Variants in GRID2 observed in about 807,000 individuals in gnomAD.
The protein encoded by GRID2 is glutamate receptor ionotropic, delta-2.
Under a neutral mutation model 114.8 loss-of-function variants are expected in GRID2, and 33 were observed. The observed-to-expected ratio is 0.29, with a 90% CI of 0.22 to 0.38. The LOEUF (loss-of-function observed/expected upper bound fraction) is 0.38, where lower values mean the gene tolerates loss of function less well. GRID2 is among the 10% of genes least tolerant of loss of function. The pLI is 1.00. For synonymous variants in GRID2, 505 were observed against 449.9 expected (o/e 1.12, Z -1.55); for missense variants, 1,184 against 1,257.7 (o/e 0.94, Z 0.89).
intron 13 of GRID2, among the ~76,000 whole-genome samples, chr4:93,588,292 A>C (rs556059559): frequency 6.6e-6 from 1 of 152,254 alleles, no homozygotes; most frequent in South Asian, 2.1e-4. Context: ...TTATAAAACA[A>C]TCAAAATTTT....
chr4:93,673,042 T>G (rs568281863), intron 14 of GRID2, among the ~76,000 whole-genome samples: 62 of 152,278 alleles, frequency 4.1e-4, no homozygotes, highest in Middle Eastern at 3.4e-3. Context: ...TTAAATTACT[T>G]TCAGCCCTGA....
chr4:93,790,137 G>A (rs55722303), intron 1 of GRID2, among the ~76,000 whole-genome samples: 45,141 of 115,340 alleles, frequency 0.39, 7,464 homozygotes, highest in Middle Eastern at 0.54. Context: ...GTGCCCATCC[G>A]TGGAGGAAAA....
At chr4:92,945,676 G>T (rs1324004095) in intron 2 of GRID2, among the ~76,000 whole-genome samples, 1 of 152,156 alleles carries the variant, frequency 6.6e-6, no homozygotes, top group Non-Finnish European at 1.5e-5. Flanking sequence ...TTTCCCAAAT[G>T]ATTACTTGAA....
At chr4:93,497,485 T>C (rs868514723) in intron 12 of GRID2, among the ~76,000 whole-genome samples, 44 of 151,884 alleles carry the variant, frequency 2.9e-4, no homozygotes, top group African/African-American at 1.0e-3. Context: ...AAAAGTTTTA[T>C]AGTTTTACAT....
At chr4:93,566,865 A>T (rs2149573362) in intron 13 of GRID2, among the ~76,000 whole-genome samples, 1 of 152,132 alleles carries the variant, frequency 6.6e-6, no homozygotes, top group East Asian at 1.9e-4. Context: ...AACACACCTG[A>T]CTCTTTAAAA....
chr4:93,500,520 G>A (rs1411446277), intron 12 of GRID2, among the ~76,000 whole-genome samples: 2 of 151,896 alleles, frequency 1.3e-5, no homozygotes, highest in Non-Finnish European at 2.9e-5. Context: ...TCTTGCTTAT[G>A]GAGCTACTGT....
At chr4:93,025,039 A>C (rs1404740459) in intron 2 of GRID2, among the ~76,000 whole-genome samples, 3 of 151,644 alleles carry the variant, frequency 2.0e-5, no homozygotes, top group Admixed American at 2.0e-4. Flanking sequence ...TTCAGCACAA[A>C]CCTAGCACAC....
intron 2 of GRID2, among the ~76,000 whole-genome samples, chr4:92,848,994 C>T (rs1038010424): frequency 6.6e-6 from 1 of 151,904 alleles, no homozygotes; most frequent in Non-Finnish European, 1.5e-5. Flanking sequence ...AATTAAATTT[C>T]TGTTATCTAA....
intron 10 of GRID2, among the ~76,000 whole-genome samples, chr4:93,425,360 G>T (rs1013897537): frequency 6.6e-6 from 1 of 152,110 alleles, no homozygotes; most frequent in African/African-American, 2.4e-5. Context: ...GTTAAGGCAG[G>T]TCTATTTGAT....
intron 14 of GRID2, among the ~76,000 whole-genome samples, chr4:93,755,019 GT>G (rs1732623889): frequency 6.6e-6 from 1 of 152,090 alleles, no homozygotes; most frequent in Admixed American, 6.5e-5. Context: ...GTAAGTAAAC[GT>G]TGTGCATGTA....
chr4:93,398,789 T>C (rs1424309961), intron 9 of GRID2, among the ~76,000 whole-genome samples: 1 of 150,698 alleles, frequency 6.6e-6, no homozygotes, highest in Non-Finnish European at 1.5e-5. Flanking sequence ...GATGGACTTA[T>C]CAGTTGGGTG....
At chr4:93,105,467 C>G (rs1258887113) in intron 3 of GRID2, among the ~76,000 whole-genome samples, 1 of 151,506 alleles carries the variant, frequency 6.6e-6, no homozygotes, top group Non-Finnish European at 1.5e-5. Flanking sequence ...TTTAATCCAT[C>G]TTGAATTAAT....
At chr4:92,647,041 A>G (rs1427095238) in intron 2 of GRID2, among the ~76,000 whole-genome samples, 2 of 152,224 alleles carry the variant, frequency 1.3e-5, no homozygotes, top group African/African-American at 4.8e-5. Flanking sequence ...AATAGCCACA[A>G]CAAATGTACA....
intron 14 of GRID2, among the ~76,000 whole-genome samples, chr4:93,767,590 G>A (rs1733773752): frequency 6.6e-6 from 1 of 152,150 alleles, no homozygotes; most frequent in Admixed American, 6.5e-5. Flanking sequence ...GGAACGTCTG[G>A]GAGAGATGAC....
Position 92,304,694 on chromosome 4 carries a change from G to C in GRID2, c.38G>C (p.Trp13Ser), listed in dbSNP as rs1181997723. Residue 13 changes from tryptophan to serine, a missense_variant, in exon 1 of 16, where the codon TGG becomes TCG. Coordinates refer to ENST00000282020, the MANE Select transcript of GRID2 (RefSeq NM_001510.4). ...VFPFLLVLSVWWSRTWDSANA... is the reference protein window; with the variant it reads ...VFPFLLVLSVSWSRTWDSANA... Reference sequence around the variant, plus strand: ...CCCTTTCTCTTGGTTTTGTCCGTCTGGTGGTCTCGAACCTGGGACTCGGCG... The same window carrying C: ...CCCTTTCTCTTGGTTTTGTCCGTCTCGTGGTCTCGAACCTGGGACTCGGCG... 6.2e-7 allele frequency: 1 copy of C among 1,613,616 alleles called. No individual in the cohort carries two copies. Among genetic ancestry groups the C allele is most frequent in the South Asian group, 1.1e-5 (1 of 91,080 alleles).
intron 4 of GRID2, among the ~76,000 whole-genome samples, chr4:93,150,200 T>C (rs1287301394): frequency 6.6e-6 from 1 of 152,182 alleles, no homozygotes; most frequent in Non-Finnish European, 1.5e-5. Flanking sequence ...TAGTTGTACA[T>C]ATTTAAATGT....
intron 14 of GRID2, among the ~76,000 whole-genome samples, chr4:93,638,362 G>A (rs1721622368): frequency 1.5e-5 from 1 of 68,690 alleles, no homozygotes; most frequent in Non-Finnish European, 2.9e-5. Context: ...CATTGTGCAG[G>A]TTAGTTACAT....
At chr4:92,683,540 A>G (rs1042801769) in intron 2 of GRID2, among the ~76,000 whole-genome samples, 4 of 152,124 alleles carry the variant, frequency 2.6e-5, no homozygotes, top group Non-Finnish European at 4.4e-5. Context: ...GGAATAAAAA[A>G]GCAATATAAA....
At chr4:93,392,751 C>T (rs546495164) in intron 8 of GRID2, among the ~76,000 whole-genome samples, 14 of 152,102 alleles carry the variant, frequency 9.2e-5, no homozygotes, top group African/African-American at 3.4e-4. Flanking sequence ...ATCTTCCCTT[C>T]CTACCTTAAA....
Sources: gnomAD v4.1 joint callset for allele counts (sites outside exome capture counted in the v4.1 genomes callset) on GRCh38, gnomAD v4.1.1 for gene constraint, MANE v1.5 for transcripts, NCBI Gene and HGNC (gene_info 2026-07-23, HGNC 2026-07-21) for gene names.